The following SHROOM3 variants were observed in gnomAD, a reference collection of about 807,000 sequenced individuals.
SHROOM3 encodes shroom family member 3.
In SHROOM3, 47 loss-of-function variants were observed where a neutral mutation model predicts 138.6. That is an observed-to-expected ratio of 0.34 (90% confidence interval 0.27 to 0.43). The LOEUF (loss-of-function observed/expected upper bound fraction) is 0.43, where lower values mean the gene tolerates loss of function less well. SHROOM3 is among the 20% of genes least tolerant of loss of function. The probability of loss-of-function intolerance (pLI) is 1.00; values close to 1 mark genes in which losing one functional copy is unlikely to be tolerated. For missense variants in SHROOM3, 2,491 were observed against 2,596.5 expected (o/e 0.96, Z 0.88); for synonymous variants, 1,062 against 1,063.3 (o/e 1.00, Z 0.02).
At chr4:76,549,842 T>G (rs563439776) in intron 1 of SHROOM3, among the ~76,000 whole-genome samples, 59 of 152,268 alleles carry the variant, frequency 3.9e-4, no homozygotes, top group African/African-American at 1.4e-3. Flanking sequence ...CATCCCTTAA[T>G]CCAGTTAACT....
At chr4:76,650,519 A>ATATTTATT (rs3045185) in intron 2 of SHROOM3, among the ~76,000 whole-genome samples, 1,674 of 145,594 alleles carry the variant, frequency 0.011, 17 homozygotes, top group Middle Eastern at 0.024. Flanking sequence ...TTTTTTAAGT[A>ATATTTATT]TATTTATTTA....
intron 2 of SHROOM3, among the ~76,000 whole-genome samples, chr4:76,680,617 A>C (rs116203286): frequency 6.6e-6 from 1 of 152,216 alleles, no homozygotes; most frequent in Non-Finnish European, 1.5e-5. Flanking sequence ...CTAAAATTCA[A>C]TAAGCACTTC....
chr4:76,659,912 A>G (rs1736147066), intron 2 of SHROOM3, among the ~76,000 whole-genome samples: 1 of 152,200 alleles, frequency 6.6e-6, no homozygotes, highest in Non-Finnish European at 1.5e-5. Context: ...ACAAGAAAAG[A>G]TGGGTTCATT....
chr4:76,645,109 CTT>C (rs1004194434), intron 2 of SHROOM3, among the ~76,000 whole-genome samples: 1 of 152,210 alleles, frequency 6.6e-6, no homozygotes, highest in Non-Finnish European at 1.5e-5. Context: ...CACACTGTCT[CTT>C]TATCTCTTTT....
intron 1 of SHROOM3, among the ~76,000 whole-genome samples, chr4:76,462,690 C>T (rs921729904): frequency 6.7e-6 from 1 of 150,368 alleles, no homozygotes. Flanking sequence ...CTCCCTCTCC[C>T]TCTCTCTCTC....
chr4:76,672,824 GC>G (rs1409000184), intron 2 of SHROOM3, among the ~76,000 whole-genome samples: 1 of 152,164 alleles, frequency 6.6e-6, no homozygotes, highest in African/African-American at 2.4e-5. Context: ...GCCTGCCTCG[GC>G]CTCCCAAAGT....
chr4:76,691,376 A>G (rs78532019), intron 2 of SHROOM3, among the ~76,000 whole-genome samples: 1 of 152,158 alleles, frequency 6.6e-6, no homozygotes, highest in African/African-American at 2.4e-5. Flanking sequence ...GAATTCCTCA[A>G]TTTTGACCTG....
At chr4:76,538,401 A>G (rs1733026769) in intron 1 of SHROOM3, among the ~76,000 whole-genome samples, 1 of 152,184 alleles carries the variant, frequency 6.6e-6, no homozygotes, top group South Asian at 2.1e-4. Flanking sequence ...AGGAGGAGTC[A>G]AGGAAGACAG....
intron 1 of SHROOM3, among the ~76,000 whole-genome samples, chr4:76,534,160 A>C (rs961415000): frequency 6.6e-5 from 10 of 152,108 alleles, no homozygotes; most frequent in Non-Finnish European, 1.5e-4. Flanking sequence ...TAAAGCACAA[A>C]CCCCCAAGAT....
intron 1 of SHROOM3, among the ~76,000 whole-genome samples, chr4:76,460,840 A>AAAAAAAAAAAAAAAAAAAAAG (rs1731126928): frequency 6.7e-6 from 1 of 148,560 alleles, no homozygotes; most frequent in Non-Finnish European, 1.5e-5. Context: ...AAAAAAAAAA[A>AAAAAAAAAAAAAAAAAAAAAG]AAAATTAGCC....
chr4:76,626,667 A>AT (rs1254176326), intron 2 of SHROOM3, among the ~76,000 whole-genome samples: 2 of 152,208 alleles, frequency 1.3e-5, no homozygotes, highest in Non-Finnish European at 2.9e-5. Context: ...AACAACACTG[A>AT]TAGGTGGGTG....
chr4:76,697,662 C>G (rs991996542), intron 2 of SHROOM3, among the ~76,000 whole-genome samples: 3 of 152,134 alleles, frequency 2.0e-5, no homozygotes, highest in African/African-American at 4.8e-5. Flanking sequence ...GAAATGAGGA[C>G]AGCATTTCAG....
Position 76,458,925 on chromosome 4 carries a change from C to G in SHROOM3, c.168+22705C>G, listed in dbSNP as rs186764673. 1.7e-3 allele frequency among the ~76,000 whole-genome samples: 260 copies of G among 152,256 alleles called. 1 individual carries two copies. The highest frequency in any genetic ancestry group is 0.01 in the Middle Eastern group (3 of 292). On this transcript the variant is annotated intron_variant, in intron 1 of 10. Coordinates refer to ENST00000296043, the MANE Select transcript of SHROOM3 (RefSeq NM_020859.4). Reference sequence around the variant, plus strand: ...GCTCTGTGTACCTTCAAAAACTGTTCAAAACTGGTTTTAGGTCCAGCTCCC... The same window carrying G: ...GCTCTGTGTACCTTCAAAAACTGTTGAAAACTGGTTTTAGGTCCAGCTCCC...
rs1312912902 is a variant in SHROOM3 at position 76,780,791 on chromosome 4, G to A, written c.*1614G>A. 1.3e-5 allele frequency: 2 copies of A among 152,168 alleles called. No homozygotes were observed. The highest frequency in any genetic ancestry group is 2.9e-5 in the Non-Finnish European group (2 of 68,048). The allele number at this position is 152,168 out of a possible 1,614,324, so 9.4% of individuals were successfully genotyped here. A position where few individuals can be genotyped will look rare whatever the true frequency, so the allele number is the denominator to read the frequency against. On this transcript the variant is annotated 3_prime_UTR_variant, in exon 11 of 11. Transcript: ENST00000296043. Reference sequence around the variant, plus strand: ...ATTGATACAAATAAGACAGCACCTTGGTTTCCCAGGGATGTTTTCATTCAG... The same window carrying A: ...ATTGATACAAATAAGACAGCACCTTAGTTTCCCAGGGATGTTTTCATTCAG...
intron 2 of SHROOM3, among the ~76,000 whole-genome samples, chr4:76,612,499 C>A (rs1305841425): frequency 6.6e-6 from 1 of 152,160 alleles, no homozygotes; most frequent in African/African-American, 2.4e-5. Flanking sequence ...TACTGTCAGA[C>A]TTAAAAGTGT....
intron 1 of SHROOM3, among the ~76,000 whole-genome samples, chr4:76,543,298 G>GGGGGTT (rs1372847832): frequency 6.6e-5 from 10 of 152,166 alleles, no homozygotes; most frequent in African/African-American, 2.2e-4. Context: ...AGGTGAGTTA[G>GGGGGTT]GGGGTTGTGA....
At chr4:76,574,446 T>G (rs1560550754) in intron 2 of SHROOM3, among the ~76,000 whole-genome samples, 1 of 152,174 alleles carries the variant, frequency 6.6e-6, no homozygotes, top group African/African-American at 2.4e-5. Context: ...TCCCCATGAT[T>G]CTGATGCACC....
chr4:76,473,975 T>A (rs1416241334), intron 1 of SHROOM3, among the ~76,000 whole-genome samples: 1 of 152,004 alleles, frequency 6.6e-6, no homozygotes, highest in African/African-American at 2.4e-5. Flanking sequence ...CCAGGAAAAA[T>A]TAAAACATAA....
In SHROOM3 at chr4:76,664,879, G is replaced by C. The variant is rs1532257; in HGVS notation, c.324-45277G>C. 0.017 allele frequency among the ~76,000 whole-genome samples: 2,644 copies of C among 152,140 alleles called. 76 individuals carry two copies. The highest frequency in any genetic ancestry group is 0.061 in the African/African-American group (2,511 of 41,496). On this transcript the variant is annotated intron_variant, in intron 2 of 10. Transcript: ENST00000296043. This position sits in a 1 kb window ranked among gnomAD's most constrained non-coding sequence, Gnocchi z 4.2. ...TAAAGGCTTCCAGGTGGTCGAGCAC[G>C]GTGGCTTTTGCCTGTAATCCTAGCA... is the stretch of plus-strand genomic sequence containing the variant.
Sources: gnomAD v4.1 joint callset for allele counts (sites outside exome capture counted in the v4.1 genomes callset) on GRCh38, gnomAD v4.1.1 for gene constraint, Gnocchi (gnomAD v3.1) non-coding constraint, MANE v1.5 for transcripts, NCBI Gene and HGNC (gene_info 2026-07-23, HGNC 2026-07-21) for gene names.